Variants in SLCO1B3 observed in about 807,000 individuals in gnomAD.
SLCO1B3 encodes the protein solute carrier organic anion transporter family member 1B3.
SLCO1B3 carries 72 observed loss-of-function variants against 71.8 expected under a neutral mutation model. That is an observed-to-expected ratio of 1.00 (90% CI 0.83 to 1.22). SLCO1B3 has a LOEUF of 1.22. SLCO1B3 is among the 50% of genes most tolerant of loss of function. SLCO1B3 has a pLI of 0.00. For synonymous variants in SLCO1B3, 298 were observed against 278.4 expected (o/e 1.07, Z -0.70); for missense variants, 911 against 819.7 (o/e 1.11, Z -1.36).
intron 8 of SLCO1B3, among the ~76,000 whole-genome samples, chr12:20,874,307 A>C (rs1865534200): frequency 6.6e-6 from 1 of 152,182 alleles, no homozygotes; most frequent in Non-Finnish European, 1.5e-5. Context: ...TATAATACTG[A>C]GGAGGAGAAT....
rs536395365 is a variant in SLCO1B3, at chr12:20,848,848, G to GAA, written c.85-6178_85-6177dup. Among the ~76,000 whole-genome samples the GAA allele has an allele frequency of 4.0e-4, 61 of 152,230 alleles. No homozygotes were observed. In the Middle Eastern group the frequency reaches 0.02, roughly 51 times the overall value. ...TTTGAGGAAGAGAGGAAGAAAGAAA[G>GAA]AAACAGTGCAGAGGATTTTTAGGTA... On this transcript the variant is annotated intron_variant, in intron 3 of 15. Coordinates refer to ENST00000381545, the MANE Select transcript of SLCO1B3 (RefSeq NM_019844.4).
chr12:20,833,917 CAT>C (rs757671960), intron 3 of SLCO1B3, among the ~76,000 whole-genome samples: 332 of 146,404 alleles, frequency 2.3e-3, no homozygotes, highest in Non-Finnish European at 3.8e-3. Context: ...ATATAGTAAA[CAT>C]GTGTACACAT....
intron 15 of SLCO1B3, among the ~76,000 whole-genome samples, chr12:20,905,260 T>C (rs764282806): frequency 6.6e-6 from 1 of 152,164 alleles, no homozygotes; most frequent in African/African-American, 2.4e-5. Flanking sequence ...GCCTCCAGGC[T>C]GGTGATAGGA....
At chr12:20,811,357 C>T (rs1252718106) in intron 1 of SLCO1B3, among the ~76,000 whole-genome samples, 2 of 152,162 alleles carry the variant, frequency 1.3e-5, no homozygotes, top group African/African-American at 4.8e-5. Context: ...GAATTAACAG[C>T]TCAATAAATA....
intron 3 of SLCO1B3, among the ~76,000 whole-genome samples, chr12:20,832,010 C>G (rs1046495695): frequency 6.6e-6 from 1 of 152,164 alleles, no homozygotes; most frequent in African/African-American, 2.4e-5. Context: ...CCTAGTTCTC[C>G]CAGCTCGTGA....
rs138169370 is a variant in SLCO1B3, at chr12:20,835,693, T to G, written c.85-19335T>G. Among the ~76,000 whole-genome samples, 295 of 152,288 alleles carry G rather than the reference T, an allele frequency of 1.9e-3. 1 individual carries two copies. The highest frequency in any genetic ancestry group is 6.9e-3 in the African/African-American group (287 of 41,568). On this transcript the variant is annotated intron_variant, in intron 3 of 15. Coordinates refer to ENST00000381545, the MANE Select transcript of SLCO1B3 (RefSeq NM_019844.4). ...GATAAAAGCCATTCAACAAGTCTCT[T>G]GGAAGTACCAAACTTTCCCACATCT...
chr12:20,873,067 T>C (rs1317531772), intron 8 of SLCO1B3, among the ~76,000 whole-genome samples: 2 of 152,130 alleles, frequency 1.3e-5, no homozygotes, highest in African/African-American at 4.8e-5. Context: ...TGGCATGCTG[T>C]CCAACCCTTT....
intron 13 of SLCO1B3, among the ~76,000 whole-genome samples, chr12:20,896,394 A>G (rs1866007892): frequency 6.6e-6 from 1 of 152,090 alleles, no homozygotes; most frequent in Non-Finnish European, 1.5e-5. Context: ...CTGCTTAGAA[A>G]TTTTTTCTGA....
chr12:20,836,947 T>C (rs753929269), intron 3 of SLCO1B3, among the ~76,000 whole-genome samples: 13 of 152,152 alleles, frequency 8.5e-5, no homozygotes, highest in Non-Finnish European at 1.8e-4. Flanking sequence ...GGCCCATTCT[T>C]TCTGTTTTTG....
intron 10 of SLCO1B3, among the ~76,000 whole-genome samples, chr12:20,878,608 G>A (rs907328208): frequency 3.9e-5 from 6 of 152,048 alleles, no homozygotes; most frequent in African/African-American, 1.2e-4. Context: ...TATGTACATA[G>A]GAAAGTAATA....
intron 15 of SLCO1B3, chr12:20,901,896 A>G (rs186606743): frequency 2.3e-6 from 1 of 440,028 alleles, no homozygotes; most frequent in Admixed American, 2.6e-5. Flanking sequence ...TCTTCTATTC[A>G]TAGGCAGAAG....
At chr12:20,863,530 C>CT (rs1865311833) in intron 8 of SLCO1B3, among the ~76,000 whole-genome samples, 1 of 152,108 alleles carries the variant, frequency 6.6e-6, no homozygotes, top group African/African-American at 2.4e-5. Flanking sequence ...CCATATTTAT[C>CT]TTTTTTTAAC....
chr12:20,834,480 T>G (rs1204503505), intron 3 of SLCO1B3, among the ~76,000 whole-genome samples: 1 of 147,210 alleles, frequency 6.8e-6, no homozygotes, highest in African/African-American at 2.5e-5. Flanking sequence ...TGTATATATA[T>G]TATAATATAT....
intron 11 of SLCO1B3, among the ~76,000 whole-genome samples, chr12:20,880,237 C>T (rs950814499): frequency 6.6e-6 from 1 of 150,972 alleles, no homozygotes; most frequent in Non-Finnish European, 1.5e-5. Context: ...TCAGTATAAA[C>T]AGTATTATAG....
chr12:20,872,663 C>T (rs1048587612), intron 8 of SLCO1B3, among the ~76,000 whole-genome samples: 1 of 151,972 alleles, frequency 6.6e-6, no homozygotes, highest in Non-Finnish European at 1.5e-5. Flanking sequence ...TAAATGCTGC[C>T]AGGAGTGGGT....
chr12:20,826,420 A>C (rs1406474015), intron 3 of SLCO1B3, among the ~76,000 whole-genome samples: 4 of 149,948 alleles, frequency 2.7e-5, no homozygotes, highest in African/African-American at 1.0e-4. Flanking sequence ...AATTTTATTA[A>C]GAGTGAATCA....
At chr12:20,811,049 T>G (rs1289753589) in intron 1 of SLCO1B3, among the ~76,000 whole-genome samples, 1 of 152,168 alleles carries the variant, frequency 6.6e-6, no homozygotes, top group Non-Finnish European at 1.5e-5. Flanking sequence ...AAATGAAACA[T>G]GAAGTCTGAA....
At chr12:20,911,024 C>T (rs911809833) in intron 15 of SLCO1B3, among the ~76,000 whole-genome samples, 1 of 151,620 alleles carries the variant, frequency 6.6e-6, no homozygotes, top group Non-Finnish European at 1.5e-5. Context: ...TTGGCTTGTT[C>T]CAACCTTATA....
intron 3 of SLCO1B3, among the ~76,000 whole-genome samples, chr12:20,846,420 G>T (rs376566513): frequency 6.6e-6 from 1 of 152,100 alleles, no homozygotes; most frequent in Non-Finnish European, 1.5e-5. Flanking sequence ...CGTTGACTTG[G>T]AATTGCAAAC....
Sources: allele counts gnomAD v4.1 joint callset (sites outside exome capture counted in the v4.1 genomes callset), GRCh38; gene constraint gnomAD v4.1.1; transcripts MANE v1.5; gene names NCBI Gene and HGNC (gene_info 2026-07-23, HGNC 2026-07-21).